The following VPS53 variants were observed in gnomAD, a reference collection of about 807,000 sequenced individuals.
VPS53 encodes the protein VPS53 subunit of GARP complex, also known as vacuolar protein sorting-associated protein 53 homolog.
Under a neutral mutation model 107.0 loss-of-function variants are expected in VPS53, and 70 were observed. That is an observed-to-expected ratio of 0.65 (90% CI 0.54 to 0.80). VPS53 has a LOEUF of 0.80. Among genes scored for constraint, VPS53 ranks in the 30% least tolerant of loss-of-function variants. The pLI is 0.00. For missense variants in VPS53, 917 were observed against 1,049.4 expected (o/e 0.87, Z 1.74); for synonymous variants, 409 against 393.3 (o/e 1.04, Z -0.47).
chr17:639,865 G>T (rs1970353506), intron 7 of VPS53, among the ~76,000 whole-genome samples: 1 of 152,226 alleles, frequency 6.6e-6, no homozygotes, highest in Non-Finnish European at 1.5e-5. Context: ...ACTTGAGGAG[G>T]CAGTCTGTCC....
At position 597,871 on chromosome 17, in the gene VPS53, T is replaced by C. The variant is rs546450263; in HGVS notation, c.1218+3924A>G. On this transcript the variant is annotated intron_variant, in intron 12 of 21. Coordinates refer to ENST00000437048, the MANE Select transcript of VPS53 (RefSeq NM_001128159.3). The stretch of plus-strand genomic sequence containing the variant: ...AGGCATGAGCCACCATTCCCGGCCA[T>C]TTTTTTTTTAAATTACATAAAACCT... Among the ~76,000 whole-genome samples, 11 of 149,954 alleles carry C rather than the reference T, an allele frequency of 7.3e-5. No homozygotes were observed. In the East Asian group the frequency reaches 2.2e-3, roughly 29 times the overall value.
intron 18 of VPS53, among the ~76,000 whole-genome samples, chr17:534,453 G>A (rs1425040259): frequency 1.3e-5 from 2 of 152,174 alleles, no homozygotes; most frequent in East Asian, 1.9e-4. Context: ...ACTGGAGTCC[G>A]GAGATCGGAT....
At chr17:618,319 A>G (rs77328122) in intron 11 of VPS53, among the ~76,000 whole-genome samples, 2 of 89,208 alleles carry the variant, frequency 2.2e-5, no homozygotes, top group African/African-American at 3.6e-5. Context: ...CCCCACTAAT[A>G]TTTCCTGGGT....
chr17:687,812 G>A (rs895469852), intron 4 of VPS53, among the ~76,000 whole-genome samples: 13 of 152,138 alleles, frequency 8.5e-5, no homozygotes, highest in African/African-American at 1.9e-4. Flanking sequence ...CCTGAGGTAC[G>A]TATTATTATC....
At chr17:568,836 T>C (rs1185547673) in intron 13 of VPS53, among the ~76,000 whole-genome samples, 3 of 152,172 alleles carry the variant, frequency 2.0e-5, no homozygotes, top group African/African-American at 7.2e-5. Context: ...GGCATCAGCA[T>C]CAAATGCACA....
At chr17:538,962 G>C (rs1910349819) in intron 17 of VPS53, 1 of 152,178 alleles carries the variant, frequency 6.6e-6, no homozygotes, top group African/African-American at 2.4e-5. Flanking sequence ...AGCATCCTGG[G>C]TGATTTTAAA....
rs562551607 is a variant in VPS53 at position 623,919 on chromosome 17, ATATT to A, written c.975-249_975-246del. On this transcript the variant is annotated intron_variant, in intron 10 of 21. Coordinates refer to ENST00000437048, the MANE Select transcript of VPS53 (RefSeq NM_001128159.3). ...GGTCATGGATGATATATATATACTT[ATATT>A]TATTTGTTTGTTTATTTATTTATTT... is the stretch of plus-strand genomic sequence containing the variant. Among the ~76,000 whole-genome samples, 152 of 151,590 alleles carry A rather than the reference ATATT, an allele frequency of 1.0e-3. 1 individual carries two copies. The highest frequency in any genetic ancestry group is 3.5e-3 in the African/African-American group (142 of 41,032).
intron 17 of VPS53, among the ~76,000 whole-genome samples, chr17:545,456 A>G (rs1911107563): frequency 6.6e-6 from 1 of 152,196 alleles, no homozygotes. Flanking sequence ...AGCACCAGCT[A>G]TGGACCTAAA....
chr17:625,977 G>A (rs369797859), intron 10 of VPS53, among the ~76,000 whole-genome samples: 10 of 152,058 alleles, frequency 6.6e-5, no homozygotes, highest in East Asian at 3.9e-4. Context: ...TAGTCTAGCC[G>A]CAAATAAAGA....
In VPS53 at chr17:653,308, G is replaced by T. The variant is rs1971035101; in HGVS notation, c.591C>A (p.Ile197=). 6.2e-7 allele frequency: 1 copy of T among 1,614,034 alleles called. No homozygotes were observed. The highest frequency in any genetic ancestry group is 8.5e-7 in the Non-Finnish European group (1 of 1,180,052). The part of the protein sequence containing the change: ...HFHKYMGIPQ[I]RQLSERVKAA... ...CAGTTTACCTTTCGGAAAGCTGCCG[G>T]ATCTGCGGAATCCCCATATACTTGT... The change falls in exon 7 of 22, where the codon ATC becomes ATA. Residue 197 remains isoleucine, a synonymous_variant. Transcript: ENST00000437048.
At chr17:572,134 T>G (rs930402674) in intron 13 of VPS53, among the ~76,000 whole-genome samples, 2 of 145,472 alleles carry the variant, frequency 1.4e-5, no homozygotes, top group South Asian at 2.2e-4. Context: ...ATCTAGGAAG[T>G]GAGGAGCGTC....
intron 13 of VPS53, among the ~76,000 whole-genome samples, chr17:574,624 G>A (rs930246496): frequency 6.6e-6 from 1 of 152,070 alleles, no homozygotes; most frequent in African/African-American, 2.4e-5. Flanking sequence ...AATTAGCCAG[G>A]TGTGGTGGTG....
chr17:674,654 T>C (rs1220331939), intron 4 of VPS53: 1 of 152,272 alleles, frequency 6.6e-6, no homozygotes, highest in Non-Finnish European at 1.5e-5. Flanking sequence ...AGCTGGCTAA[T>C]GAGGCCATGG....
At chr17:546,869 CCTT>C (rs1368853202) in intron 17 of VPS53, among the ~76,000 whole-genome samples, 2,955 of 116,414 alleles carry the variant, frequency 0.025, 31 homozygotes, top group East Asian at 0.068. Flanking sequence ...TCCCTTAGAT[CCTT>C]TTTTTTTTTT....
chr17:656,941 G>C, intron 5 of VPS53: 1 of 1,149,326 alleles, frequency 8.7e-7, no homozygotes, highest in Non-Finnish European at 1.3e-6. Flanking sequence ...CAAAGCTGTT[G>C]CCACTGGTGT....
chr17:574,502 T>C (rs903537766), intron 13 of VPS53, among the ~76,000 whole-genome samples: 1 of 152,154 alleles, frequency 6.6e-6, no homozygotes, highest in Admixed American at 6.5e-5. Flanking sequence ...CGGTGGCTCA[T>C]GCCTGTAATC....
chr17:619,817 T>A (rs796550840), intron 11 of VPS53, among the ~76,000 whole-genome samples: 1 of 82,020 alleles, frequency 1.2e-5, no homozygotes, highest in Admixed American at 1.5e-4. Flanking sequence ...ACTACAGGCG[T>A]GCACCACCAC....
At position 517,112 on chromosome 17, in the gene VPS53, T is replaced by A. The variant is rs1218815885; in HGVS notation, c.*2016A>T. On this transcript the variant is annotated 3_prime_UTR_variant, in exon 22 of 22. Coordinates refer to ENST00000437048, the MANE Select transcript of VPS53 (RefSeq NM_001128159.3). ...GCTCAGGCTGCTTAACCATAGCAAC[T>A]CCATGGGCTGGGGTGGGGGCATCTA... 4.3e-6 allele frequency: 1 copy of A among 232,166 alleles called. No individual in the cohort carries two copies. Among genetic ancestry groups the A allele is most frequent in the African/African-American group, 2.2e-5 (1 of 44,456 alleles). The allele number at this position is 232,166 out of a possible 1,614,324, so 14.4% of individuals were successfully genotyped here.
chr17:557,728 C>CA (rs1462955787), intron 15 of VPS53, among the ~76,000 whole-genome samples: 8 of 152,052 alleles, frequency 5.3e-5, no homozygotes, highest in African/African-American at 1.9e-4. Flanking sequence ...AATAATTGGC[C>CA]ACTTGTATCA....
Sources: gnomAD v4.1 joint callset for allele counts (sites outside exome capture counted in the v4.1 genomes callset) on GRCh38, gnomAD v4.1.1 for gene constraint, MANE v1.5 for transcripts, NCBI Gene and HGNC (gene_info 2026-07-23, HGNC 2026-07-21) for gene names.